Variants in CACNA2D4 observed in about 807,000 individuals in gnomAD.
CACNA2D4 encodes the protein voltage-dependent calcium channel subunit alpha-2/delta-4.
A neutral mutation model predicts 163.8 loss-of-function variants in CACNA2D4; 157 were observed. The ratio of observed to expected loss-of-function variants is 0.96; its 90% CI spans 0.84 to 1.09. CACNA2D4 has a LOEUF of 1.09. Among genes scored for constraint, CACNA2D4 ranks in the 50% least tolerant of loss-of-function variants. The pLI, the probability that CACNA2D4 is intolerant of heterozygous loss-of-function variation, is 0.00. For missense variants in CACNA2D4, 1,410 were observed against 1,479.9 expected (o/e 0.95, Z 0.78); for synonymous variants, 598 against 586.9 (o/e 1.02, Z -0.27).
rs1450209411 is a variant in CACNA2D4, at chr12:1,828,916, AG to A, written c.2551+11822del. 6.6e-6 allele frequency among the ~76,000 whole-genome samples: 1 copy of A among 152,198 alleles called. No individual in the cohort carries two copies. The highest frequency in any genetic ancestry group is 1.5e-5 in the Non-Finnish European group (1 of 68,036). ...ATGTGGCAAAGGGACCAGGTCAGCA[AG>A]GGCTGGTCTGCCCAAGGCTACACGG... On this transcript the variant is annotated intron_variant, in intron 26 of 37. Transcript: ENST00000382722. This position sits in a 1 kb window ranked among gnomAD's most constrained non-coding sequence, Gnocchi z 4.2.
At position 1,874,747 on chromosome 12, in the gene CACNA2D4, C is replaced by T; in HGVS notation, c.1807-72G>A. On this transcript the variant is annotated intron_variant, in intron 17 of 37. Coordinates refer to ENST00000382722, the MANE Select transcript of CACNA2D4 (RefSeq NM_172364.5). This position sits in a 1 kb window ranked among gnomAD's most constrained non-coding sequence, Gnocchi z 4.4. ...TGGTGAAAGTATGGCATTCTTCAGA[C>T]CAGATTAGAGGTGATCCCCAGAAAC... 9.0e-7 allele frequency: 1 copy of T among 1,114,194 alleles called. No individual in the cohort carries two copies. The highest frequency in any genetic ancestry group is 1.4e-6 in the Non-Finnish European group (1 of 729,624). 69.0% of individuals were successfully genotyped at this position (1,114,194 alleles called of 1,614,324 possible). A position where few individuals can be genotyped will look rare whatever the true frequency, so the allele number is the denominator to read the frequency against.
At chr12:1,810,170 A>G in intron 29 of CACNA2D4, 108 bp downstream of exon 29, 6 of 876,492 alleles carry the variant, frequency 6.8e-6, no homozygotes, top group Middle Eastern at 4.4e-4. Context: ...GGCCCCGAAC[A>G]GGGTTCCCTC....
chr12:1,793,832 C>G (rs1446927688), intron 37 of CACNA2D4, 73 bp from the exon 38 acceptor site: 1 of 1,257,748 alleles, frequency 8.0e-7, no homozygotes, highest in Non-Finnish European at 1.1e-6. Context: ...GCTTCCACCA[C>G]TAATTTGGGC....
At chr12:1,908,762 G>T (rs1362460923) in intron 4 of CACNA2D4, among the ~76,000 whole-genome samples, 7 of 116,692 alleles carry the variant, frequency 6.0e-5, no homozygotes, top group Non-Finnish European at 9.8e-5. Context: ...TCCCACGCCG[G>T]ACTGCCTCAC....
intron 6 of CACNA2D4, among the ~76,000 whole-genome samples, chr12:1,900,155 G>A (rs1427863001): frequency 6.6e-6 from 1 of 152,042 alleles, no homozygotes; most frequent in East Asian, 1.9e-4. Flanking sequence ...TTTGAGACAA[G>A]GTCTTGATCT....
chr12:1,898,401 A>C (rs1338859053), intron 6 of CACNA2D4, among the ~76,000 whole-genome samples: 3 of 151,190 alleles, frequency 2.0e-5, no homozygotes, highest in Non-Finnish European at 4.4e-5. Flanking sequence ...ACAACACCTG[A>C]TTTAAAAATG....
At chr12:1,909,486 G>A (rs1251285975) in intron 4 of CACNA2D4, among the ~76,000 whole-genome samples, 1 of 152,200 alleles carries the variant, frequency 6.6e-6, no homozygotes, top group Admixed American at 6.5e-5. Flanking sequence ...GAGCCACCGC[G>A]CCTGGGCGTG....
intron 23 of CACNA2D4, among the ~76,000 whole-genome samples, chr12:1,847,522 T>TC (rs1865174433): frequency 6.6e-6 from 1 of 152,044 alleles, no homozygotes. Flanking sequence ...GGAAAGGGTC[T>TC]CCCCCACCTA....
chr12:1,831,515 C>T lies in CACNA2D4; in HGVS notation c.2551+9224G>A. ...AGTTCAAACACTGGATGGAGTGGTT[C>T]TCCTACCGAGGTGAGCGCAGCCGGC... On this transcript the variant is annotated intron_variant, in intron 26 of 37. Coordinates refer to ENST00000382722, the MANE Select transcript of CACNA2D4 (RefSeq NM_172364.5). 4 of 1,612,528 alleles carry T rather than the reference C, an allele frequency of 2.5e-6. No individual in the cohort carries two copies. In the South Asian group the frequency reaches 4.4e-5, roughly 18 times the overall value.
Position 1,834,047 on chromosome 12 carries a change from G to A in CACNA2D4, c.2551+6692C>T, listed in dbSNP as rs570712629. Among the ~76,000 whole-genome samples, 67 of 152,230 alleles carry A rather than the reference G, an allele frequency of 4.4e-4. No homozygotes were observed. Among genetic ancestry groups the A allele is most frequent in the Non-Finnish European group, 7.3e-4 (50 of 68,044 alleles). Reference sequence around the variant, plus strand: ...TATCCATTTCACATGGCTTCTGCGAGGATGAAATGGCACGATATACGTAAC... The same window carrying A: ...TATCCATTTCACATGGCTTCTGCGAAGATGAAATGGCACGATATACGTAAC... On this transcript the variant is annotated intron_variant, in intron 26 of 37. Coordinates refer to ENST00000382722, the MANE Select transcript of CACNA2D4 (RefSeq NM_172364.5). The surrounding 1 kb of genome is among the most constrained non-coding windows in gnomAD (Gnocchi z 7.6).
At chr12:1,899,317 G>GCTAA (rs1327505501) in intron 6 of CACNA2D4, among the ~76,000 whole-genome samples, 2 of 151,886 alleles carry the variant, frequency 1.3e-5, no homozygotes, top group East Asian at 3.9e-4. Context: ...ATAAGAAAGA[G>GCTAA]CTAAGATAGA....
At position 1,800,020 on chromosome 12, in the gene CACNA2D4, C is replaced by G; in HGVS notation, c.2954G>C (p.Trp985Ser). Reference protein sequence around the residue: ...FLLEWSVWGSWYDRGAEAKSV... With the variant: ...FLLEWSVWGSSYDRGAEAKSV... ...CTCACCCTCGGCCCCTCTGTCGTAC[C>G]AGGAGCCCCAGACACTCCACTCCAG... is the stretch of plus-strand genomic sequence containing the variant. Residue 985 changes from tryptophan to serine, a missense_variant, in exon 33 of 38, where the codon TGG becomes TCG. Physicochemically the swap from Trp to Ser is radical, Grantham distance 177. Coordinates refer to ENST00000382722, the MANE Select transcript of CACNA2D4 (RefSeq NM_172364.5). 1 of 1,604,704 alleles carries G rather than the reference C, an allele frequency of 6.2e-7. No homozygotes were observed. Among genetic ancestry groups the G allele is most frequent in the Non-Finnish European group, 8.5e-7 (1 of 1,175,890 alleles).
In CACNA2D4 at chr12:1,907,486, G is replaced by A; in HGVS notation, c.735C>T (p.Thr245=). 1.2e-6 allele frequency: 2 copies of A among 1,613,926 alleles called. No homozygotes were observed. Among genetic ancestry groups the A allele is most frequent in the South Asian group, 1.1e-5 (1 of 91,062 alleles). Residue 245 remains threonine, a synonymous_variant, in exon 6 of 38, where the codon ACC becomes ACT. Transcript: ENST00000382722. ...VENFQRDPTL[T]WQYFGSATGF... ...CAGTTGCACTGCCAAAATATTGCCA[G>A]GTCAACGTTGGGTCTCTCTGGAAGT...
intron 6 of CACNA2D4, among the ~76,000 whole-genome samples, chr12:1,899,759 A>G (rs936318331): frequency 2.0e-5 from 3 of 152,194 alleles, no homozygotes; most frequent in Non-Finnish European, 2.9e-5. Flanking sequence ...AAGAGGGACT[A>G]CTTCCAAATA....
At chr12:1,830,199 T>C (rs1163790990) in intron 26 of CACNA2D4, among the ~76,000 whole-genome samples, 1 of 152,242 alleles carries the variant, frequency 6.6e-6, no homozygotes, top group Non-Finnish European at 1.5e-5. Context: ...CTGGGCCCCA[T>C]GACTTGTCAA....
intron 28 of CACNA2D4, 64 bp from the exon 29 acceptor site, chr12:1,810,404 TC>T: frequency 6.4e-7 from 1 of 1,552,030 alleles, no homozygotes; most frequent in Non-Finnish European, 8.9e-7. Flanking sequence ...CTCCAGCCTG[TC>T]CCCCAGCTCT....
chr12:1,795,197 C>T, intron 37 of CACNA2D4, 102 bp downstream of exon 37: 3 of 995,500 alleles, frequency 3.0e-6, no homozygotes. Flanking sequence ...CAGGTGTGTT[C>T]ATTGGCATCC....
intron 20 of CACNA2D4, among the ~76,000 whole-genome samples, chr12:1,858,011 A>T (rs1865437355): frequency 6.6e-6 from 1 of 152,162 alleles, no homozygotes; most frequent in Non-Finnish European, 1.5e-5. Flanking sequence ...GACGAGGAGC[A>T]CCTGAGGCTC....
chr12:1,796,494 AATTCAGGAGTGTCT>A (rs1863131712), intron 35 of CACNA2D4, among the ~76,000 whole-genome samples: 1 of 152,214 alleles, frequency 6.6e-6, no homozygotes, highest in South Asian at 2.1e-4. Context: ...GCCAGTTTTC[AATTCAGGAGTGTCT>A]ACTCTGAAGC....
Sources: gnomAD v4.1 joint callset for allele counts (sites outside exome capture counted in the v4.1 genomes callset) on GRCh38, gnomAD v4.1.1 for gene constraint, Gnocchi (gnomAD v3.1) non-coding constraint, MANE v1.5 for transcripts, NCBI Gene and HGNC (gene_info 2026-07-23, HGNC 2026-07-21) for gene names.